Variants in EIF4G3 observed in about 807,000 individuals in gnomAD.
EIF4G3 encodes the protein eukaryotic translation initiation factor 4 gamma 3, also known as eIF-4-gamma 3.
A neutral mutation model predicts 186.4 loss-of-function variants in EIF4G3; 34 were observed. The observed-to-expected ratio is 0.18, with a 90% CI of 0.14 to 0.24. EIF4G3 has a LOEUF of 0.24. Among genes scored for constraint, EIF4G3 ranks in the 10% least tolerant of loss-of-function variants. The pLI, the probability that EIF4G3 is intolerant of heterozygous loss-of-function variation, is 1.00. For missense variants in EIF4G3, 1,536 were observed against 1,948.5 expected (o/e 0.79, Z 3.99); for synonymous variants, 673 against 679.5 (o/e 0.99, Z 0.15).
chr1:21,134,877 T>C (rs4537519), intron 2 of EIF4G3, among the ~76,000 whole-genome samples: 60,761 of 151,820 alleles, frequency 0.4, 12,776 homozygotes, highest in Middle Eastern at 0.52. Context: ...ATGCAGTGTT[T>C]TTTTTTTGTT....
intron 14 of EIF4G3, among the ~76,000 whole-genome samples, chr1:20,929,055 A>G (rs1445286151): frequency 6.6e-6 from 1 of 152,172 alleles, no homozygotes; most frequent in Non-Finnish European, 1.5e-5. Context: ...CACCATGTGA[A>G]TTTCATTCCT....
At chr1:20,875,310 A>G (rs2080437709) in intron 20 of EIF4G3, among the ~76,000 whole-genome samples, 1 of 152,200 alleles carries the variant, frequency 6.6e-6, no homozygotes, top group Non-Finnish European at 1.5e-5. Flanking sequence ...AAGACTAAAG[A>G]GTATTGAAAA....
intron 22 of EIF4G3, among the ~76,000 whole-genome samples, chr1:20,863,851 T>C (rs1027904010): frequency 2.6e-5 from 4 of 152,074 alleles, no homozygotes; most frequent in East Asian, 1.9e-4. Flanking sequence ...GGTTAAACTT[T>C]AGGAGTCACA....
In EIF4G3 at chr1:21,023,933, G is replaced by A. The variant is rs545900810; in HGVS notation, c.-66-21125C>T. On this transcript the variant is annotated intron_variant, in intron 4 of 36. Coordinates refer to ENST00000602326, the MANE Select transcript of EIF4G3 (RefSeq NM_001391906.1). ...CCGCCCCATCTGGGATGTGAGGAGC[G>A]CCTCTGCCCGGCCACGACCCCATCT... Among the ~76,000 whole-genome samples the A allele has an allele frequency of 7.9e-4, 97 of 123,280 alleles. 2 individuals carry two copies. Among genetic ancestry groups the A allele is most frequent in the Non-Finnish European group, 1.6e-3 (87 of 53,218 alleles). The allele number at this position is 123,280 out of a possible 152,430, so 80.9% of individuals were successfully genotyped here.
At chr1:20,874,625 T>C (rs2080228106) in intron 20 of EIF4G3, among the ~76,000 whole-genome samples, 1 of 152,198 alleles carries the variant, frequency 6.6e-6, no homozygotes. Context: ...ATTCTGTCAG[T>C]TAATGCACTC....
rs544781256 is a variant in EIF4G3 at position 21,083,037 on chromosome 1, C to CAAAAAAAAA, written c.-196+6092_-196+6100dup. On this transcript the variant is annotated intron_variant, in intron 3 of 36. Transcript: ENST00000602326. ...TGGGAGACACAGCGAGACTCTGTCT[C>CAAAAAAAAA]AAAAAAAAAAAAAAAAAAAAAAAAA... Among the ~76,000 whole-genome samples, 195 of 66,412 alleles carry CAAAAAAAAA rather than the reference C, an allele frequency of 2.9e-3. 1 individual carries two copies. The highest frequency in any genetic ancestry group is 3.2e-3 in the Non-Finnish European group (128 of 39,834). The allele number at this position is 66,412 out of a possible 152,430, so 43.6% of individuals were successfully genotyped here.
chr1:20,892,313 T>C (rs1271340767), intron 18 of EIF4G3, among the ~76,000 whole-genome samples: 1 of 152,194 alleles, frequency 6.6e-6, no homozygotes, highest in Non-Finnish European at 1.5e-5. Context: ...AAAAGAGACA[T>C]TCAACATCAT....
intron 4 of EIF4G3, among the ~76,000 whole-genome samples, chr1:21,020,003 T>C (rs1226547794): frequency 6.6e-6 from 1 of 152,212 alleles, no homozygotes; most frequent in Non-Finnish European, 1.5e-5. Flanking sequence ...TTCATGTCAA[T>C]GAGGGTTCTG....
chr1:20,875,358 G>A (rs1213219850), intron 20 of EIF4G3, among the ~76,000 whole-genome samples: 2 of 152,216 alleles, frequency 1.3e-5, no homozygotes, highest in Non-Finnish European at 2.9e-5. Context: ...CATACAATGA[G>A]CTGTACAGTA....
chr1:20,883,714 T>C lies in EIF4G3; in HGVS notation c.2424+2487A>G, dbSNP rs532701353. Among the ~76,000 whole-genome samples the C allele has an allele frequency of 6.6e-5, 10 of 152,134 alleles. No individual in the cohort carries two copies. In the South Asian group the frequency reaches 1.7e-3, roughly 25 times the overall value. Reference sequence around the variant, plus strand: ...AAGGGAAGAAAAAAAATAAAGTAGATATTTTATGAAGGAGAAAACACTTTA... The same window carrying C: ...AAGGGAAGAAAAAAAATAAAGTAGACATTTTATGAAGGAGAAAACACTTTA... On this transcript the variant is annotated intron_variant, in intron 19 of 36. Coordinates refer to ENST00000602326, the MANE Select transcript of EIF4G3 (RefSeq NM_001391906.1).
chr1:20,944,004 G>T (rs2095835457), intron 13 of EIF4G3, among the ~76,000 whole-genome samples: 1 of 149,200 alleles, frequency 6.7e-6, no homozygotes, highest in African/African-American at 2.5e-5. Flanking sequence ...GTGTGTGTGT[G>T]TGTGTGTGTG....
intron 4 of EIF4G3, among the ~76,000 whole-genome samples, chr1:21,049,188 T>C (rs1462861866): frequency 1.3e-5 from 2 of 152,144 alleles, no homozygotes; most frequent in South Asian, 2.1e-4. Flanking sequence ...CAATACTTCA[T>C]AGGGCACATT....
chr1:20,997,112 G>A (rs1282866742), intron 7 of EIF4G3, among the ~76,000 whole-genome samples: 1 of 151,890 alleles, frequency 6.6e-6, no homozygotes, highest in Non-Finnish European at 1.5e-5. Context: ...TCCAGCAAAT[G>A]GATGTACATG....
chr1:20,851,375 T>C lies in EIF4G3; in HGVS notation c.3655A>G (p.Asn1219Asp), dbSNP rs762000404. ...RGGSSKDLLDNQSQEEQRREM... is the reference protein window; with the variant it reads ...RGGSSKDLLDDQSQEEQRREM... Reference sequence around the variant, plus strand: ...CTCCGCTGCTCTTCTTGAGACTGATTGTCTAGCAGGTCTTTACTGCTGCCA... The same window carrying C: ...CTCCGCTGCTCTTCTTGAGACTGATCGTCTAGCAGGTCTTTACTGCTGCCA... Residue 1219 changes from asparagine (N) to aspartate (D), a missense_variant, in exon 28 of 37, where the codon AAT becomes GAT. By Grantham distance (23) the Asn-to-Asp change is conservative (BLOSUM62 1). This residue lies in a region of EIF4G3 where 395 missense variants were observed against 498.9 expected (regional missense o/e 0.79). Coordinates refer to ENST00000602326, the MANE Select transcript of EIF4G3 (RefSeq NM_001391906.1). The C allele has an allele frequency of 1.2e-6, 2 of 1,614,052 alleles. No individual in the cohort carries two copies. The highest frequency in any genetic ancestry group is 1.7e-6 in the Non-Finnish European group (2 of 1,180,050).
chr1:21,173,947 T>G (rs920800851), intron 2 of EIF4G3, among the ~76,000 whole-genome samples: 2 of 152,226 alleles, frequency 1.3e-5, no homozygotes, highest in Non-Finnish European at 2.9e-5. Context: ...CCATTACCAG[T>G]TGATAACACT....
chr1:21,029,442 C>T (rs980831556), intron 4 of EIF4G3, among the ~76,000 whole-genome samples: 1 of 151,094 alleles, frequency 6.6e-6, no homozygotes, highest in Non-Finnish European at 1.5e-5. Context: ...GGGACGAGAA[C>T]TGGGAAGAAA....
chr1:20,963,190 A>G (rs2073817330), intron 12 of EIF4G3, among the ~76,000 whole-genome samples: 2 of 152,064 alleles, frequency 1.3e-5, no homozygotes, highest in South Asian at 4.2e-4. Context: ...CTAAATGAAA[A>G]CACAGACCAG....
At chr1:20,849,693 C>T (rs1015796425) in intron 28 of EIF4G3, among the ~76,000 whole-genome samples, 163 bp from the exon 29 acceptor site, 2 of 152,120 alleles carry the variant, frequency 1.3e-5, no homozygotes, top group Non-Finnish European at 1.5e-5. Context: ...AGAATAGATT[C>T]GCACTAAGTA....
At position 20,856,516 on chromosome 1, in the gene EIF4G3, T is replaced by A. The variant is rs143125445; in HGVS notation, c.3339+887A>T. 4.5e-3 allele frequency among the ~76,000 whole-genome samples: 692 copies of A among 152,320 alleles called. 8 individuals carry two copies. The highest frequency in any genetic ancestry group is 0.021 in the Admixed American group (326 of 15,308). ...CTACATTCTCCAAAGTTCTTCATCC[T>A]CCTTACAATGATCAACTTTTACTGC... On this transcript the variant is annotated intron_variant, in intron 25 of 36. Coordinates refer to ENST00000602326, the MANE Select transcript of EIF4G3 (RefSeq NM_001391906.1).
Sources: allele counts gnomAD v4.1 joint callset (sites outside exome capture counted in the v4.1 genomes callset), GRCh38; gene constraint gnomAD v4.1.1; regional missense constraint gnomAD v4.1.1; transcripts MANE v1.5; gene names NCBI Gene and HGNC (gene_info 2026-07-23, HGNC 2026-07-21).